Variants in HDAC2 observed in about 807,000 individuals in gnomAD.
HDAC2 encodes histone deacetylase 2.
A neutral mutation model predicts 68.5 loss-of-function variants in HDAC2; 5 were observed. The observed-to-expected ratio is 0.07, with a 90% confidence interval of 0.04 to 0.15. The LOEUF (loss-of-function observed/expected upper bound fraction) is 0.15. Ranked by LOEUF, HDAC2 falls within the 10% of genes least tolerant of loss-of-function variation. The pLI is 1.00. For synonymous variants in HDAC2, 182 were observed against 191.3 expected, an observed-to-expected ratio of 0.95 and a Z score of 0.40; for missense variants, 291 against 600.8, an observed-to-expected ratio of 0.48 and a Z score of 5.39.
rs1028027152 is a variant in HDAC2 at position 113,934,298 on chromosome 6, G to A, written c.*6760C>T. ...AATGATCAATTTGTGACATCAGACA[G>A]GTAAAAGACGGAGTGCTGGAAAAGC... On this transcript the variant is annotated 3_prime_UTR_variant, in exon 14 of 14. Coordinates refer to ENST00000519065, the MANE Select transcript of HDAC2 (RefSeq NM_001527.4). 5 of 152,166 alleles carry A rather than the reference G, an allele frequency of 3.3e-5. No homozygotes were observed. The highest frequency in any genetic ancestry group is 6.5e-5 in the Admixed American group (1 of 15,274). 9.4% of individuals were successfully genotyped at this position (152,166 alleles called of 1,614,324 possible). A position where few individuals can be genotyped will look rare whatever the true frequency, so the allele number is the denominator to read the frequency against.
intron 12 of HDAC2, 108 bp downstream of exon 12, chr6:113,943,243 T>C (rs373338476): frequency 3.9e-5 from 30 of 778,670 alleles, no homozygotes; most frequent in East Asian, 1.8e-4. Context: ...CCTAGCATAC[T>C]TCCTCCTGAT....
At chr6:113,943,695 T>G (rs1181366977) in intron 11 of HDAC2, among the ~76,000 whole-genome samples, 189 bp from the exon 12 acceptor site, 1 of 152,234 alleles carries the variant, frequency 6.6e-6, no homozygotes, top group South Asian at 2.1e-4. Flanking sequence ...CTTTCATGTA[T>G]GAAGAAATGG....
intron 12 of HDAC2, among the ~76,000 whole-genome samples, chr6:113,942,638 A>C (rs1045453851): frequency 6.6e-6 from 1 of 152,154 alleles, no homozygotes; most frequent in African/African-American, 2.4e-5. Flanking sequence ...TGTGTTCCCT[A>C]GCCATGAGCA....
chr6:113,938,432 T>G lies in HDAC2; in HGVS notation c.*2626A>C, dbSNP rs1233662638. 2 of 152,144 alleles carry G rather than the reference T, an allele frequency of 1.3e-5. No homozygotes were observed. The highest frequency in any genetic ancestry group is 2.4e-5 in the African/African-American group (1 of 41,442). The allele number at this position is 152,144 out of a possible 1,614,324, so 9.4% of individuals were successfully genotyped here. ...TGGTCCACTGAACTAATTTTTTTTT[T>G]GTTATCAAATATATCTTTTATAGTT... On this transcript the variant is annotated 3_prime_UTR_variant, in exon 14 of 14. Transcript: ENST00000519065.
intron 1 of HDAC2, among the ~76,000 whole-genome samples, chr6:113,968,176 A>G (rs994808756): frequency 6.6e-6 from 1 of 152,220 alleles, no homozygotes; most frequent in Non-Finnish European, 1.5e-5. Flanking sequence ...CTATGGTTAT[A>G]GAATTTGCTA....
At chr6:113,941,685 A>T in intron 13 of HDAC2, 23 bp downstream of exon 13, 1 of 1,100,674 alleles carries the variant, frequency 9.1e-7, no homozygotes, top group Non-Finnish European at 1.3e-6. Flanking sequence ...TGTAAAAAGT[A>T]CTTGATAAGG....
chr6:113,945,072 G>A (rs542600572), intron 10 of HDAC2, among the ~76,000 whole-genome samples: 14 of 151,686 alleles, frequency 9.2e-5, no homozygotes, highest in Admixed American at 1.3e-4. Flanking sequence ...GGCTGAATAC[G>A]GTGGCTCATG....
chr6:113,952,435 C>T (rs1352973920), intron 6 of HDAC2, among the ~76,000 whole-genome samples: 1 of 152,152 alleles, frequency 6.6e-6, no homozygotes, highest in South Asian at 2.1e-4. Flanking sequence ...AAAAGCCATA[C>T]AGCTTAAGAA....
At chr6:113,951,851 C>G (rs1327579691) in intron 6 of HDAC2, among the ~76,000 whole-genome samples, 1 of 152,144 alleles carries the variant, frequency 6.6e-6, no homozygotes, top group East Asian at 1.9e-4. Context: ...CTAATATTTT[C>G]AAAAACTTCA....
intron 1 of HDAC2, chr6:113,968,819 A>T (rs886468949): frequency 2.6e-5 from 4 of 152,190 alleles, no homozygotes; most frequent in Non-Finnish European, 5.9e-5. Context: ...GGTTATCATA[A>T]ATGGGCCCAG....
chr6:113,963,931 T>C (rs936718632), intron 1 of HDAC2, among the ~76,000 whole-genome samples: 6 of 152,338 alleles, frequency 3.9e-5, no homozygotes, highest in Admixed American at 3.3e-4. Flanking sequence ...CTCTTATCCA[T>C]ATTCCTTCAA....
chr6:113,955,960 T>G, intron 5 of HDAC2, 53 bp downstream of exon 5: 1 of 1,365,820 alleles, frequency 7.3e-7, no homozygotes, highest in South Asian at 1.4e-5. Flanking sequence ...ATTTATTGTG[T>G]TTTAATGAAA....
chr6:113,937,233 A>G lies in HDAC2; in HGVS notation c.*3825T>C, dbSNP rs958574939. The G allele has an allele frequency of 4.6e-5, 7 of 152,226 alleles. No homozygotes were observed. Among genetic ancestry groups the G allele is most frequent in the Non-Finnish European group, 1.0e-4 (7 of 68,034 alleles). 9.4% of individuals were successfully genotyped at this position (152,226 alleles called of 1,614,324 possible). On this transcript the variant is annotated 3_prime_UTR_variant, in exon 14 of 14. Coordinates refer to ENST00000519065, the MANE Select transcript of HDAC2 (RefSeq NM_001527.4). ...TTATATCACAATATGAATAACAAAT[A>G]TTATGAATCGCAGTTATCAAAAAAA...
chr6:113,946,581 A>T (rs1311591217), intron 8 of HDAC2: 2 of 152,902 alleles, frequency 1.3e-5, no homozygotes, highest in Non-Finnish European at 2.9e-5. Flanking sequence ...GGAAAGCTAA[A>T]CAACATAGTT....
intron 5 of HDAC2, 107 bp downstream of exon 5, chr6:113,955,906 T>G (rs1037214566): frequency 5.5e-5 from 42 of 766,574 alleles, no homozygotes; most frequent in Non-Finnish European, 7.4e-5. Context: ...CATTAACTAT[T>G]TCAACCTATG....
intron 1 of HDAC2, among the ~76,000 whole-genome samples, chr6:113,968,047 A>C (rs1305287715): frequency 2.0e-5 from 3 of 152,216 alleles, no homozygotes; most frequent in African/African-American, 2.4e-5. Context: ...TGCAGAGAAC[A>C]ATATGTATAT....
At chr6:113,965,000 T>A (rs146602296) in intron 1 of HDAC2, among the ~76,000 whole-genome samples, 2 of 152,328 alleles carry the variant, frequency 1.3e-5, no homozygotes, top group African/African-American at 4.8e-5. Context: ...AATGCAACCA[T>A]TACATTTTAT....
chr6:113,933,197 TA>T lies in HDAC2; in HGVS notation c.*7860del, dbSNP rs1775931910. 2 of 152,354 alleles carry T rather than the reference TA, an allele frequency of 1.3e-5. No individual in the cohort carries two copies. Among genetic ancestry groups the T allele is most frequent in the Non-Finnish European group, 2.9e-5 (2 of 68,036 alleles). 9.4% of individuals were successfully genotyped at this position (152,354 alleles called of 1,614,324 possible). On this transcript the variant is annotated 3_prime_UTR_variant, in exon 14 of 14. Coordinates refer to ENST00000519065, the MANE Select transcript of HDAC2 (RefSeq NM_001527.4). ...TTCTCATTCACTAAGTGATTAAAGT[TA>T]ACATCATCAGTAATGAGAGAAATTG... is the stretch of plus-strand genomic sequence containing the variant.
In HDAC2 at chr6:113,946,138, T is replaced by G; in HGVS notation, c.852A>C (p.Lys284Asn). The change falls in exon 9 of 14, where the codon AAA (lysine) becomes AAC (asparagine). Residue 284 changes from lysine (K) to asparagine (N), a missense_variant. Lys to Asn is a moderately conservative substitution (Grantham distance 94). This residue lies in a region of HDAC2 where 154 missense variants were observed against 472.1 expected (regional missense o/e 0.33). Transcript: ENST00000519065. ...CFNLTVKGHA[K>N]CVEVVKTFNL... ...TAAAAGTTTTTACAACTTCTACACATTTAGCATGACCTAAGACAAGAAGAT... is the reference window on the plus strand; with the variant it reads ...TAAAAGTTTTTACAACTTCTACACAGTTAGCATGACCTAAGACAAGAAGAT... The G allele has an allele frequency of 1.2e-6, 2 of 1,613,068 alleles. No individual in the cohort carries two copies. Among genetic ancestry groups the G allele is most frequent in the Non-Finnish European group, 1.7e-6 (2 of 1,179,206 alleles).
Sources: allele counts gnomAD v4.1 joint callset (sites outside exome capture counted in the v4.1 genomes callset), GRCh38; gene constraint gnomAD v4.1.1; regional missense constraint gnomAD v4.1.1; transcripts MANE v1.5; gene names NCBI Gene and HGNC (gene_info 2026-07-23, HGNC 2026-07-21).